The following DCC variants were observed in gnomAD, a reference collection of about 807,000 sequenced individuals.
DCC encodes DCC netrin 1 receptor.
DCC carries 58 observed loss-of-function variants against 172.5 expected under a neutral mutation model. The ratio of observed to expected loss-of-function variants is 0.34; its 90% confidence interval spans 0.27 to 0.42. The LOEUF is 0.42. Among genes scored for constraint, DCC ranks in the 10% least tolerant of loss-of-function variants. DCC has a pLI of 1.00. For missense variants in DCC, 1,740 were observed against 1,791.0 expected (o/e 0.97, Z 0.51); for synonymous variants, 709 against 644.5 (o/e 1.10, Z -1.52).
At chr18:52,448,352 T>C (rs1219309041) in intron 1 of DCC, among the ~76,000 whole-genome samples, 1 of 152,230 alleles carries the variant, frequency 6.6e-6, no homozygotes, top group Non-Finnish European at 1.5e-5. Context: ...CAGAGACTGC[T>C]GCTCTAGTCC....
chr18:53,015,732 A>T (rs1446756526), intron 5 of DCC, among the ~76,000 whole-genome samples: 1 of 152,086 alleles, frequency 6.6e-6, no homozygotes, highest in East Asian at 1.9e-4. Context: ...GATGAACAAA[A>T]CCTAAAAAAT....
chr18:53,526,225 T>G (rs969299947), intron 27 of DCC, among the ~76,000 whole-genome samples: 1 of 152,166 alleles, frequency 6.6e-6, no homozygotes, highest in Non-Finnish European at 1.5e-5. Flanking sequence ...TCTTCCTTGG[T>G]TCTGCTATGC....
chr18:53,367,787 C>T (rs1462166208), intron 15 of DCC, among the ~76,000 whole-genome samples: 1 of 152,060 alleles, frequency 6.6e-6, no homozygotes, highest in East Asian at 1.9e-4. Flanking sequence ...TACCTTTTTG[C>T]AACTGGCTTA....
chr18:53,051,289 G>C (rs1252327268), intron 5 of DCC, among the ~76,000 whole-genome samples: 1 of 152,088 alleles, frequency 6.6e-6, no homozygotes, highest in African/African-American at 2.4e-5. Context: ...TGAAGTCCCT[G>C]CTGAAAAAGA....
intron 1 of DCC, among the ~76,000 whole-genome samples, chr18:52,715,706 G>C (rs1382196904): frequency 1.3e-5 from 2 of 152,048 alleles, no homozygotes; most frequent in Non-Finnish European, 2.9e-5. Context: ...AATTGGGTTA[G>C]GCCAGTATGT....
At chr18:52,745,224 T>C (rs911575521) in intron 1 of DCC, among the ~76,000 whole-genome samples, 2 of 152,234 alleles carry the variant, frequency 1.3e-5, no homozygotes, top group African/African-American at 4.8e-5. Flanking sequence ...AGATTATCCT[T>C]CTAAGTTCAC....
At chr18:52,526,874 T>C (rs2031999076) in intron 1 of DCC, among the ~76,000 whole-genome samples, 1 of 152,210 alleles carries the variant, frequency 6.6e-6, no homozygotes, top group South Asian at 2.1e-4. Flanking sequence ...TAAAATGCTC[T>C]CTCTGTATTA....
intron 3 of DCC, among the ~76,000 whole-genome samples, chr18:52,922,850 T>C (rs2040146287): frequency 6.6e-6 from 1 of 152,110 alleles, no homozygotes; most frequent in South Asian, 2.1e-4. Flanking sequence ...AGCATTGCAT[T>C]TGGGGCTTAG....
At chr18:53,156,286 A>G (rs1443513689) in intron 7 of DCC, among the ~76,000 whole-genome samples, 2 of 151,938 alleles carry the variant, frequency 1.3e-5, no homozygotes, top group African/African-American at 2.4e-5. Context: ...GGAGTTCGAC[A>G]CAGCCTGGCC....
intron 1 of DCC, among the ~76,000 whole-genome samples, chr18:52,409,652 C>A (rs778459799): frequency 3.9e-5 from 6 of 152,104 alleles, no homozygotes; most frequent in Non-Finnish European, 5.9e-5. Flanking sequence ...AAATCTAATT[C>A]ATGAGCTATT....
At chr18:53,373,017 A>G (rs559187451) in intron 15 of DCC, among the ~76,000 whole-genome samples, 76 of 152,232 alleles carry the variant, frequency 5.0e-4, no homozygotes, top group Non-Finnish European at 9.7e-4. Context: ...GAGCCTAACC[A>G]CATGTTTGCC....
At chr18:52,884,311 C>T (rs1262772465) in intron 2 of DCC, among the ~76,000 whole-genome samples, 3 of 151,970 alleles carry the variant, frequency 2.0e-5, no homozygotes, top group African/African-American at 7.3e-5. Context: ...TCTCTACTTC[C>T]TCTTGAAGAC....
chr18:52,936,700 G>C (rs2040386499), intron 5 of DCC, among the ~76,000 whole-genome samples: 1 of 152,176 alleles, frequency 6.6e-6, no homozygotes, highest in African/African-American at 2.4e-5. Context: ...ACTGCTGACA[G>C]TGGTGGAAAG....
chr18:52,942,770 A>T (rs1297614356), intron 5 of DCC, among the ~76,000 whole-genome samples: 1 of 152,188 alleles, frequency 6.6e-6, no homozygotes, highest in African/African-American at 2.4e-5. Flanking sequence ...ACAATTCAAC[A>T]TGAGATTTGG....
At chr18:52,923,200 AT>A (rs1324668132) in intron 3 of DCC, among the ~76,000 whole-genome samples, 1 of 152,100 alleles carries the variant, frequency 6.6e-6, no homozygotes, top group Admixed American at 6.6e-5. Context: ...GAAAGCAGTT[AT>A]TTTCTCAGCA....
chr18:53,145,839 C>T (rs1045070334), intron 7 of DCC, among the ~76,000 whole-genome samples: 1 of 152,086 alleles, frequency 6.6e-6, no homozygotes, highest in African/African-American at 2.4e-5. Context: ...CTTGATAGAG[C>T]CTTAGTAGTG....
At chr18:52,790,626 A>G (rs891387386) in intron 2 of DCC, among the ~76,000 whole-genome samples, 1 of 152,166 alleles carries the variant, frequency 6.6e-6, no homozygotes, top group East Asian at 1.9e-4. Flanking sequence ...ACACCATACA[A>G]AAGTCTGGGA....
intron 1 of DCC, among the ~76,000 whole-genome samples, chr18:52,572,189 G>A (rs372710703): frequency 6.6e-5 from 10 of 152,204 alleles, no homozygotes; most frequent in South Asian, 2.1e-4. Flanking sequence ...GACACCCAGC[G>A]CCTGCTGGCA....
intron 12 of DCC, among the ~76,000 whole-genome samples, chr18:53,251,507 G>A (rs759432903): frequency 6.6e-6 from 1 of 151,902 alleles, no homozygotes; most frequent in South Asian, 2.1e-4. Flanking sequence ...TCAAGAACTT[G>A]TCAAATCATA....
Sources: allele counts gnomAD v4.1 joint callset (sites outside exome capture counted in the v4.1 genomes callset), GRCh38; gene constraint gnomAD v4.1.1; transcripts MANE v1.5; gene names NCBI Gene and HGNC (gene_info 2026-07-23, HGNC 2026-07-21).